CNTN6: variants seen among roughly 807,000 people sequenced by gnomAD.
CNTN6 encodes contactin 6, also known as contactin-6.
In CNTN6, 137 loss-of-function variants were observed where a neutral mutation model predicts 122.8. That is an observed-to-expected ratio of 1.12 (90% confidence interval 0.97 to 1.29). The LOEUF (loss-of-function observed/expected upper bound fraction) is 1.29. Ranked by LOEUF, CNTN6 falls within the 50% of genes most tolerant of loss-of-function variation. The pLI, the probability that CNTN6 is intolerant of heterozygous loss-of-function variation, is 0.00. For missense variants in CNTN6, 1,634 were observed against 1,223.4 expected, an observed-to-expected ratio of 1.34 and a Z score of -5.01; for synonymous variants, 570 against 426.0, an observed-to-expected ratio of 1.34 and a Z score of -4.16.
chr3:1,143,585 C>T (rs902933117), intron 1 of CNTN6, among the ~76,000 whole-genome samples: 1 of 152,168 alleles, frequency 6.6e-6, no homozygotes, highest in African/African-American at 2.4e-5. Context: ...CTACTCGATT[C>T]TGCTGTGAGT....
rs997767442 is a variant in CNTN6 at position 1,184,771 on chromosome 3, A to T, written c.56-35916A>T. 4.6e-5 allele frequency among the ~76,000 whole-genome samples: 7 copies of T among 152,144 alleles called. 1 individual carries two copies. The highest frequency in any genetic ancestry group is 7.4e-5 in the Non-Finnish European group (5 of 68,010). ...GATAGCTAAATATAGTCTGACTGAA[A>T]CTTACGTAGCCCAGGCATTAAGTAC... On this transcript the variant is annotated intron_variant, in intron 2 of 22. Transcript: ENST00000446702.
At chr3:1,343,945 T>C (rs1318928357) in intron 11 of CNTN6, among the ~76,000 whole-genome samples, 1 of 152,134 alleles carries the variant, frequency 6.6e-6, no homozygotes, top group African/African-American at 2.4e-5. Flanking sequence ...TTTTACAGCA[T>C]ATTTGGAGAG....
intron 12 of CNTN6, among the ~76,000 whole-genome samples, chr3:1,364,195 AAAG>A (rs1275006826): frequency 6.6e-6 from 1 of 151,980 alleles, no homozygotes; most frequent in African/African-American, 2.4e-5. Context: ...TCATTAGAAA[AAAG>A]ACCAATTTTT....
At chr3:1,383,894 C>A (rs1692335113) in intron 19 of CNTN6, among the ~76,000 whole-genome samples, 1 of 152,188 alleles carries the variant, frequency 6.6e-6, no homozygotes, top group African/African-American at 2.4e-5. Flanking sequence ...GGGATGGTAA[C>A]TTCCAGGTGT....
intron 12 of CNTN6, among the ~76,000 whole-genome samples, chr3:1,365,429 T>C (rs1042553281): frequency 6.6e-6 from 1 of 152,048 alleles, no homozygotes; most frequent in Non-Finnish European, 1.5e-5. Context: ...TGTGTATGCA[T>C]GTTAAATAAA....
chr3:1,338,315 A>G (rs771063592), intron 11 of CNTN6, among the ~76,000 whole-genome samples: 2 of 152,152 alleles, frequency 1.3e-5, no homozygotes, highest in Non-Finnish European at 2.9e-5. Context: ...ATGCACCATA[A>G]GAATCTTGTG....
chr3:1,195,968 C>G (rs1394146241), intron 2 of CNTN6, among the ~76,000 whole-genome samples: 1 of 151,584 alleles, frequency 6.6e-6, no homozygotes, highest in African/African-American at 2.4e-5. Flanking sequence ...GCAAGTAATT[C>G]CTTTCTTGTC....
intron 1 of CNTN6, among the ~76,000 whole-genome samples, chr3:1,114,934 C>A (rs575655090): frequency 2.2e-4 from 33 of 152,242 alleles, no homozygotes; most frequent in African/African-American, 6.7e-4. Context: ...TCTTAGGAGG[C>A]AGTGGTAGAA....
chr3:1,194,270 A>G (rs1220349983), intron 2 of CNTN6, among the ~76,000 whole-genome samples: 1 of 152,148 alleles, frequency 6.6e-6, no homozygotes, highest in East Asian at 1.9e-4. Flanking sequence ...TTTTAAAGGG[A>G]GACAACAGGA....
At chr3:1,312,928 T>G (rs936243395) in intron 7 of CNTN6, among the ~76,000 whole-genome samples, 1 of 151,984 alleles carries the variant, frequency 6.6e-6, no homozygotes, top group Admixed American at 6.6e-5. Context: ...TTGATAGTGC[T>G]ATAGCATGAT....
Position 1,093,128 on chromosome 3 carries a change from C to A in CNTN6, c.-83+8C>A, listed in dbSNP as rs150714439. 1.9e-4 allele frequency: 53 copies of A among 280,586 alleles called. No individual in the cohort carries two copies. The highest frequency in any genetic ancestry group is 1.0e-3 in the African/African-American group (47 of 45,456). The allele number at this position is 280,586 out of a possible 1,614,324, so 17.4% of individuals were successfully genotyped here. A position where few individuals can be genotyped will look rare whatever the true frequency, so the allele number is the denominator to read the frequency against. ...TCCCGAGACATTTCCCTGGTAAGATCTGTAAGTACAAAATTGTGCTGTGTC... is the reference window on the plus strand; with the variant it reads ...TCCCGAGACATTTCCCTGGTAAGATATGTAAGTACAAAATTGTGCTGTGTC... On this transcript the variant is annotated splice_region_variant and intron_variant, in intron 1 of 22. Transcript: ENST00000446702.
rs552718032 is a variant in CNTN6, at chr3:1,148,198, A to C, written c.55+135A>C. 52 of 633,254 alleles carry C rather than the reference A, an allele frequency of 8.2e-5. No homozygotes were observed. The African/African-American group carries it at 8.8e-4, about 11-fold the overall frequency. The allele number at this position is 633,254 out of a possible 1,614,324, so 39.2% of individuals were successfully genotyped here. On this transcript the variant is annotated intron_variant, in intron 2 of 22. Coordinates refer to ENST00000446702, the MANE Select transcript of CNTN6 (RefSeq NM_001289080.2). ...ACTAAGTGATAATGTTTTGAAGGTA[A>C]CTTCTATGACTCAGACAGGGAAAGT...
At position 1,248,868 on chromosome 3, in the gene CNTN6, A is replaced by G. The variant is rs543590773; in HGVS notation, c.358+20875A>G. Among the ~76,000 whole-genome samples, 11 of 152,120 alleles carry G rather than the reference A, an allele frequency of 7.2e-5. 1 individual carries two copies. In the East Asian group the frequency reaches 1.9e-3, roughly 27 times the overall value. ...AGAAACTCCATCTCAAAAAAAAAAG[A>G]ATAAATAAATAGTGAAGCTAGGATT... On this transcript the variant is annotated intron_variant, in intron 4 of 22. Coordinates refer to ENST00000446702, the MANE Select transcript of CNTN6 (RefSeq NM_001289080.2).
intron 6 of CNTN6, among the ~76,000 whole-genome samples, chr3:1,297,480 C>G (rs1272034987): frequency 1.3e-5 from 2 of 152,028 alleles, no homozygotes; most frequent in Non-Finnish European, 2.9e-5. Context: ...AGCGGCAAAA[C>G]CTTATTGTAC....
chr3:1,186,658 C>T (rs1467639202), intron 2 of CNTN6, among the ~76,000 whole-genome samples: 4 of 152,144 alleles, frequency 2.6e-5, no homozygotes, highest in Non-Finnish European at 5.9e-5. Flanking sequence ...CTTTCTGAAT[C>T]GGAAAGACAA....
chr3:1,297,243 A>G (rs1696398508), intron 6 of CNTN6, among the ~76,000 whole-genome samples: 1 of 152,148 alleles, frequency 6.6e-6, no homozygotes, highest in Non-Finnish European at 1.5e-5. Flanking sequence ...GTCGTTTGGT[A>G]CATAGATTAA....
intron 2 of CNTN6, among the ~76,000 whole-genome samples, chr3:1,167,046 T>TAAAAAA (rs2093266171): frequency 7.3e-6 from 1 of 136,262 alleles, no homozygotes. Context: ...GAACTTAAAA[T>TAAAAAA]TAAAAAAAAA....
Position 1,280,459 on chromosome 3 carries a change from A to ATTTTTTTTTTTTTTTTTTTTTTTTT in CNTN6, c.454+1974_454+1975insTTTTTTTTTTTTTTTTTTTTTTTTT, listed in dbSNP as rs71619483. 7.2e-4 allele frequency among the ~76,000 whole-genome samples: 48 copies of ATTTTTTTTTTTTTTTTTTTTTTTTT among 66,622 alleles called. 11 individuals carry two copies. Among genetic ancestry groups the ATTTTTTTTTTTTTTTTTTTTTTTTT allele is most frequent in the South Asian group, 1.8e-3 (3 of 1,692 alleles). 43.7% of individuals were successfully genotyped at this position (66,622 alleles called of 152,430 possible). On this transcript the variant is annotated intron_variant, in intron 5 of 22. Coordinates refer to ENST00000446702, the MANE Select transcript of CNTN6 (RefSeq NM_001289080.2). Reference sequence around the variant, plus strand: ...GTAATGGCAAACTTGTGTAATACCAATTTTTTTTTTTTTTTTTTTTTTTGT... The same window carrying ATTTTTTTTTTTTTTTTTTTTTTTTT: ...GTAATGGCAAACTTGTGTAATACCAATTTTTTTTTTTTTTTTTTTTTTTTTTTTTTTTTTTTTTTTTTTTTTTTGT...
intron 2 of CNTN6, among the ~76,000 whole-genome samples, chr3:1,157,841 A>G (rs1045237842): frequency 6.6e-6 from 1 of 152,094 alleles, no homozygotes; most frequent in African/African-American, 2.4e-5. Context: ...CTTTTTTATG[A>G]CTGAATAGTA....
Sources: gnomAD v4.1 joint callset for allele counts (sites outside exome capture counted in the v4.1 genomes callset) on GRCh38, gnomAD v4.1.1 for gene constraint, MANE v1.5 for transcripts, NCBI Gene and HGNC (gene_info 2026-07-23, HGNC 2026-07-21) for gene names.